Variants in RUNX1 observed in about 807,000 individuals in gnomAD.
The protein encoded by RUNX1 is RUNX family transcription factor 1.
Under a neutral mutation model 42.8 loss-of-function variants are expected in RUNX1, and 19 were observed. That is an observed-to-expected ratio of 0.44 (90% confidence interval 0.31 to 0.65). The LOEUF (loss-of-function observed/expected upper bound fraction) is 0.65. RUNX1 is among the 30% of genes least tolerant of loss of function. RUNX1 has a pLI of 0.07. For missense variants in RUNX1, 528 were observed against 672.0 expected (o/e 0.79, Z 2.37); for synonymous variants, 271 against 289.4 (o/e 0.94, Z 0.64).
chr21:34,837,335 C>A (rs2057162266), intron 6 of RUNX1, among the ~76,000 whole-genome samples: 1 of 152,070 alleles, frequency 6.6e-6, no homozygotes, highest in African/African-American at 2.4e-5. Context: ...CTCAGGCTCA[C>A]AATGGTGCTG....
chr21:34,977,346 T>C (rs1275321205), intron 2 of RUNX1, among the ~76,000 whole-genome samples: 2 of 152,316 alleles, frequency 1.3e-5, no homozygotes, highest in African/African-American at 4.8e-5. Flanking sequence ...GATCTTCCAT[T>C]TAGAGGAAAA....
rs781167744 is a variant in RUNX1 at position 34,792,229 on chromosome 21, C to T, written c.1349G>A (p.Ser450Asn). Residue 450 changes from serine (S) to asparagine (N), a missense_variant, in exon 9 of 9, where the codon AGC becomes AAC. Ser to Asn is a conservative substitution (Grantham distance 46, BLOSUM62 1). Transcript: ENST00000675419. This position sits in a 1 kb window ranked among gnomAD's most constrained non-coding sequence, Gnocchi z 6.9. ...ALLNPSLPNQSDVVEAEGSHS... is the reference protein window; with the variant it reads ...ALLNPSLPNQNDVVEAEGSHS... ...GCTGCCCTCGGCCTCCACCACGTCG[C>T]TCTGGTTCGGGAGGCTGGGGTTGAG... 1.9e-6 allele frequency: 3 copies of T among 1,540,812 alleles called. No individual in the cohort carries two copies. Among genetic ancestry groups the T allele is most frequent in the South Asian group, 2.4e-5 (2 of 84,328 alleles).
At chr21:34,882,579 A>G (rs2057920927) in intron 4 of RUNX1, among the ~76,000 whole-genome samples, 1 of 152,094 alleles carries the variant, frequency 6.6e-6, no homozygotes, top group Non-Finnish European at 1.5e-5. Context: ...TCCCATTATA[A>G]GTGTGTTTGT....
At chr21:34,897,498 T>C (rs2058140092) in intron 2 of RUNX1, among the ~76,000 whole-genome samples, 1 of 152,228 alleles carries the variant, frequency 6.6e-6, no homozygotes, top group African/African-American at 2.4e-5. Flanking sequence ...AAATTGCCTC[T>C]TAAAGACCAA....
At chr21:34,906,947 G>C (rs879618870) in intron 2 of RUNX1, among the ~76,000 whole-genome samples, 1 of 152,194 alleles carries the variant, frequency 6.6e-6, no homozygotes, top group African/African-American at 2.4e-5. Context: ...ATGCATTAAA[G>C]CTCTTTATTT....
intron 2 of RUNX1, among the ~76,000 whole-genome samples, chr21:34,998,246 G>T (rs933283270): frequency 6.6e-6 from 1 of 152,108 alleles, no homozygotes; most frequent in African/African-American, 2.4e-5. Flanking sequence ...GAAAAGCAGG[G>T]GGCTTAGGAA....
At chr21:34,892,842 T>C (rs1601541245) in intron 3 of RUNX1, 83 bp downstream of exon 3, 3 of 814,750 alleles carry the variant, frequency 3.7e-6, no homozygotes, top group South Asian at 3.0e-5. Flanking sequence ...AAGTTATACA[T>C]AGAGATACAT....
intron 6 of RUNX1, among the ~76,000 whole-genome samples, chr21:34,846,088 T>C (rs2057310668): frequency 6.6e-6 from 1 of 152,138 alleles, no homozygotes; most frequent in African/African-American, 2.4e-5. Flanking sequence ...CACCATCTTT[T>C]TTTAGTTGGC....
intron 5 of RUNX1, among the ~76,000 whole-genome samples, chr21:34,876,567 A>T (rs1235595654): frequency 3.4e-5 from 5 of 148,314 alleles, no homozygotes; most frequent in Non-Finnish European, 3.0e-5. Flanking sequence ...GAACACGTGC[A>T]TTTTTTTTTT....
chr21:34,869,445 T>C (rs979945817), intron 5 of RUNX1, among the ~76,000 whole-genome samples: 1 of 152,198 alleles, frequency 6.6e-6, no homozygotes, highest in Non-Finnish European at 1.5e-5. Flanking sequence ...TCATCGCTAA[T>C]AGATGTGTGT....
intron 2 of RUNX1, among the ~76,000 whole-genome samples, chr21:34,908,826 T>C (rs148094420): frequency 8.7e-4 from 133 of 152,304 alleles, no homozygotes; most frequent in African/African-American, 3.1e-3. Context: ...TGCATATACA[T>C]AGAATGGGAC....
chr21:34,904,707 C>G (rs1158228259), intron 2 of RUNX1, among the ~76,000 whole-genome samples: 1 of 152,084 alleles, frequency 6.6e-6, no homozygotes, highest in Non-Finnish European at 1.5e-5. Context: ...TTGGTTGATA[C>G]AGCACTTCTA....
intron 6 of RUNX1, among the ~76,000 whole-genome samples, chr21:34,853,785 G>A (rs1274028908): frequency 1.3e-5 from 2 of 150,080 alleles, no homozygotes; most frequent in Non-Finnish European, 1.5e-5. Context: ...TTACAGGTTG[G>A]TTCCTTCCCT....
chr21:34,835,355 A>G (rs1405358846), intron 6 of RUNX1, among the ~76,000 whole-genome samples: 1 of 152,164 alleles, frequency 6.6e-6, no homozygotes. Flanking sequence ...AGGTAGCTAC[A>G]GCCTATCTGG....
At chr21:35,027,502 C>T (rs2059246055) in intron 2 of RUNX1, among the ~76,000 whole-genome samples, 1 of 152,176 alleles carries the variant, frequency 6.6e-6, no homozygotes, top group Non-Finnish European at 1.5e-5. Flanking sequence ...AATATTTAAA[C>T]CAAGCTGTAT....
chr21:34,789,145 C>G lies in RUNX1; in HGVS notation c.*2990G>C. ...ATGTCTCTGTTCTGCTGGAAGAAACCCATAAACAGGAGAAAGGCTGACAAA... is the reference window on the plus strand; with the variant it reads ...ATGTCTCTGTTCTGCTGGAAGAAACGCATAAACAGGAGAAAGGCTGACAAA... On this transcript the variant is annotated 3_prime_UTR_variant, in exon 9 of 9. Transcript: ENST00000675419. The G allele has an allele frequency of 4.3e-6, 1 of 233,264 alleles. No homozygotes were observed. Among genetic ancestry groups the G allele is most frequent in the Non-Finnish European group, 8.5e-6 (1 of 118,090 alleles). 14.4% of individuals were successfully genotyped at this position (233,264 alleles called of 1,614,324 possible).
intron 2 of RUNX1, among the ~76,000 whole-genome samples, chr21:34,939,957 A>C (rs1189376668): frequency 6.6e-6 from 1 of 151,972 alleles, no homozygotes; most frequent in Non-Finnish European, 1.5e-5. Flanking sequence ...TTTTGTTTTT[A>C]ATTTAAAGGG....
intron 5 of RUNX1, among the ~76,000 whole-genome samples, chr21:34,866,282 C>T (rs754511721): frequency 3.3e-5 from 5 of 152,114 alleles, no homozygotes; most frequent in Non-Finnish European, 5.9e-5. Flanking sequence ...AGTCTTGAAA[C>T]GCCCAAAGAG....
chr21:34,816,544 T>C (rs2056829762), intron 7 of RUNX1, among the ~76,000 whole-genome samples: 5 of 151,938 alleles, frequency 3.3e-5, no homozygotes, highest in Admixed American at 3.3e-4. Flanking sequence ...CAGAAGGCAA[T>C]GTGTGGGGAA....
Sources: allele counts gnomAD v4.1 joint callset (sites outside exome capture counted in the v4.1 genomes callset), GRCh38; gene constraint gnomAD v4.1.1; non-coding constraint Gnocchi (gnomAD v3.1); transcripts MANE v1.5; gene names NCBI Gene and HGNC (gene_info 2026-07-23, HGNC 2026-07-21).